The following CELF2 variants were observed in gnomAD, a reference collection of about 807,000 sequenced individuals.
The protein encoded by CELF2 is CUG triplet repeat RNA-binding protein 2.
A neutral mutation model predicts 62.6 loss-of-function variants in CELF2; 8 were observed. The observed-to-expected ratio is 0.13, with a 90% CI of 0.07 to 0.23. The LOEUF is 0.23. Ranked by LOEUF, CELF2 falls within the 10% of genes least tolerant of loss-of-function variation. The pLI, the probability that CELF2 is intolerant of heterozygous loss-of-function variation, is 1.00. For missense variants in CELF2, 333 were observed against 671.0 expected, an observed-to-expected ratio of 0.50 and a Z score of 5.56; for synonymous variants, 258 against 250.0, an observed-to-expected ratio of 1.03 and a Z score of -0.30.
Position 11,285,356 on chromosome 10 carries a change from C to T in CELF2, c.842-3062C>T, listed in dbSNP as rs1028776849. ...TGTTGAGCAGTGTTAGCTATGCCCC[C>T]GTGTGGTGCCTCAGAGACTCAGCCA... On this transcript the variant is annotated intron_variant, in intron 8 of 12. Coordinates refer to ENST00000633077, the MANE Select transcript of CELF2 (RefSeq NM_001326342.2). The surrounding 1 kb of genome is among the most constrained non-coding windows in gnomAD (Gnocchi z 4.3). Among the ~76,000 whole-genome samples, 1 of 152,104 alleles carries T rather than the reference C, an allele frequency of 6.6e-6. No homozygotes were observed. Among genetic ancestry groups the T allele is most frequent in the Non-Finnish European group, 1.5e-5 (1 of 68,012 alleles).
the CELF2 span, among the ~76,000 whole-genome samples, chr10:10,520,582 G>A: frequency 6.6e-6 from 1 of 152,120 alleles, no homozygotes; most frequent in Non-Finnish European, 1.5e-5. Context: ...GGAAATGAGG[G>A]CACGCTGCTG....
chr10:11,264,796 G>A (rs1376240874), intron 5 of CELF2, among the ~76,000 whole-genome samples: 1 of 152,196 alleles, frequency 6.6e-6, no homozygotes, highest in East Asian at 1.9e-4. Context: ...GTCAGTCTTA[G>A]TACAGGTAGC....
At chr10:10,646,667 T>A in the CELF2 span, among the ~76,000 whole-genome samples, 1 of 152,236 alleles carries the variant, frequency 6.6e-6, no homozygotes, top group Non-Finnish European at 1.5e-5. Context: ...GAGTTTTGTT[T>A]CATGGAATAT....
chr10:11,157,577 GT>G lies in CELF2; in HGVS notation c.75-7908del. On this transcript the variant is annotated intron_variant, in intron 1 of 12. Transcript: ENST00000633077. The surrounding 1 kb of genome is among the most constrained non-coding windows in gnomAD (Gnocchi z 4.9). The stretch of plus-strand genomic sequence containing the variant: ...GGTTTTGGTTTTATGTTGTGTCCAT[GT>G]CTGTCTCTTCTAATTGGCCATGAGC... Among the ~76,000 whole-genome samples, 1 of 152,210 alleles carries G rather than the reference GT, an allele frequency of 6.6e-6. No homozygotes were observed. Among genetic ancestry groups the G allele is most frequent in the South Asian group, 2.1e-4 (1 of 4,828 alleles).
chr10:10,982,955 T>C (rs953881051), intron 2 of CELF2, among the ~76,000 whole-genome samples: 1 of 152,094 alleles, frequency 6.6e-6, no homozygotes, highest in Non-Finnish European at 1.5e-5. Flanking sequence ...TGCTTTTGTA[T>C]GTATTCATTT....
intron 2 of CELF2, among the ~76,000 whole-genome samples, chr10:11,181,958 G>A (rs1338304592): frequency 6.6e-6 from 1 of 152,220 alleles, no homozygotes; most frequent in Non-Finnish European, 1.5e-5. Flanking sequence ...CAGCTGATGG[G>A]CACTCCATGG....
the CELF2 span, among the ~76,000 whole-genome samples, chr10:10,508,358 TA>T: frequency 6.6e-6 from 1 of 152,224 alleles, no homozygotes; most frequent in Non-Finnish European, 1.5e-5. Context: ...ACAGACCTAA[TA>T]AGCAGCTTCC....
intron 1 of CELF2, among the ~76,000 whole-genome samples, chr10:11,089,823 A>G (rs1168050394): frequency 6.6e-6 from 1 of 152,192 alleles, no homozygotes; most frequent in East Asian, 1.9e-4. Flanking sequence ...GTGTTGTACC[A>G]TGGAATACTT....
the CELF2 span, among the ~76,000 whole-genome samples, chr10:10,608,882 T>C: frequency 6.6e-6 from 1 of 152,138 alleles, no homozygotes; most frequent in South Asian, 2.1e-4. Flanking sequence ...CTTGTAAAAA[T>C]ATGGCATAGG....
At chr10:11,205,318 T>C (rs2060189724) in intron 2 of CELF2, among the ~76,000 whole-genome samples, 1 of 152,148 alleles carries the variant, frequency 6.6e-6, no homozygotes, top group Non-Finnish European at 1.5e-5. Context: ...GCATTTGTTA[T>C]AAAAGTGGAG....
At chr10:10,657,044 A>G in the CELF2 span, among the ~76,000 whole-genome samples, 1 of 152,198 alleles carries the variant, frequency 6.6e-6, no homozygotes, top group Non-Finnish European at 1.5e-5. Context: ...TGAATGGATA[A>G]ATTAAATGTT....
chr10:10,839,267 C>T (rs568373252), intron 1 of CELF2, among the ~76,000 whole-genome samples: 1 of 152,272 alleles, frequency 6.6e-6, no homozygotes, highest in South Asian at 2.1e-4. Flanking sequence ...ATACATTAAC[C>T]CATGCATATA....
intron 2 of CELF2, among the ~76,000 whole-genome samples, chr10:10,955,515 A>G (rs910170659): frequency 2.6e-5 from 4 of 152,256 alleles, no homozygotes; most frequent in African/African-American, 9.6e-5. Flanking sequence ...CAATGAAGCC[A>G]TAATAGCACA....
At chr10:10,977,690 C>T (rs146056133) in intron 2 of CELF2, among the ~76,000 whole-genome samples, 7 of 152,332 alleles carry the variant, frequency 4.6e-5, no homozygotes, top group South Asian at 4.1e-4. Flanking sequence ...GAATTTGGTA[C>T]GTTTTGTACA....
the CELF2 span, among the ~76,000 whole-genome samples, chr10:10,571,954 T>A: frequency 6.6e-6 from 1 of 152,128 alleles, no homozygotes; most frequent in Admixed American, 6.6e-5. Flanking sequence ...ATACTCTTAT[T>A]GCTGTCAATA....
chr10:11,305,576 G>A lies in CELF2; in HGVS notation c.977-8563G>A, dbSNP rs1017611573. ...ATTAGGAAGAGAAGGAAGGTTGGGG[G>A]GTTCAGCTCTCAGCTCTGTTGGAGA... On this transcript the variant is annotated intron_variant, in intron 9 of 12. Coordinates refer to ENST00000633077, the MANE Select transcript of CELF2 (RefSeq NM_001326342.2). This position sits in a 1 kb window ranked among gnomAD's most constrained non-coding sequence, Gnocchi z 4.8. 1.3e-5 allele frequency among the ~76,000 whole-genome samples: 2 copies of A among 152,212 alleles called. No individual in the cohort carries two copies. The highest frequency in any genetic ancestry group is 4.8e-5 in the African/African-American group (2 of 41,448).
In CELF2 at chr10:11,332,846, GCCTTCCTTCA is replaced by G. The variant is rs1285156022; in HGVS notation, c.*3794_*3803del. ...CTCACATGTGTTTACTACTGCTGGG[GCCTTCCTTCA>G]TCCTCTGAGGGCTATTTTGTACTTT... On this transcript the variant is annotated 3_prime_UTR_variant, in exon 13 of 13. Transcript: ENST00000633077. The G allele has an allele frequency of 6.6e-6, 1 of 152,582 alleles. No individual in the cohort carries two copies. 9.5% of individuals were successfully genotyped at this position (152,582 alleles called of 1,614,324 possible). A position where few individuals can be genotyped will look rare whatever the true frequency, so the allele number is the denominator to read the frequency against.
In CELF2 at chr10:11,319,219, A is replaced by T. The variant is rs11596315; in HGVS notation, c.1097-1970A>T. 0.081 allele frequency: 33,034 copies of T among 405,930 alleles called. 1,850 individuals are homozygous for T. The highest frequency in any genetic ancestry group is 0.12 in the Non-Finnish European group (23,726 of 196,218). 25.1% of individuals were successfully genotyped at this position (405,930 alleles called of 1,614,324 possible). The stretch of plus-strand genomic sequence containing the variant: ...CAGCACCCGTTAACAGCCTGGCCAA[A>T]GTGAGACCAACAGAATTTATCAGCA... On this transcript the variant is annotated intron_variant, in intron 10 of 12. Transcript: ENST00000633077. The surrounding 1 kb of genome is among the most constrained non-coding windows in gnomAD (Gnocchi z 4.4).
chr10:10,916,950 AG>A (rs200384733), intron 1 of CELF2, among the ~76,000 whole-genome samples: 1,741 of 150,908 alleles, frequency 0.012, 27 homozygotes, highest in African/African-American at 0.04. Context: ...TTTTTTTTTA[AG>A]GAAAAAGAAC....
Sources: gnomAD v4.1 joint callset for allele counts (sites outside exome capture counted in the v4.1 genomes callset) on GRCh38, gnomAD v4.1.1 for gene constraint, Gnocchi (gnomAD v3.1) non-coding constraint, MANE v1.5 for transcripts, NCBI Gene and HGNC (gene_info 2026-07-23, HGNC 2026-07-21) for gene names.